Variants in CLSTN2 observed in about 807,000 individuals in gnomAD.
The protein encoded by CLSTN2 is calsyntenin 2.
In CLSTN2, 48 loss-of-function variants were observed where a neutral mutation model predicts 101.2. That is an observed-to-expected ratio of 0.47 (90% CI 0.38 to 0.60). The LOEUF is 0.60. CLSTN2 is among the 20% of genes least tolerant of loss of function. CLSTN2 has a pLI of 0.00. For synonymous variants in CLSTN2, 481 were observed against 463.6 expected (o/e 1.04, Z -0.48); for missense variants, 1,160 against 1,238.2 (o/e 0.94, Z 0.95).
chr3:140,226,069 C>A (rs115568645), intron 2 of CLSTN2, among the ~76,000 whole-genome samples: 2 of 152,166 alleles, frequency 1.3e-5, no homozygotes, highest in African/African-American at 2.4e-5. Flanking sequence ...ATATATACAA[C>A]CACCTGGGTG....
chr3:140,026,294 C>T (rs2007418504), intron 1 of CLSTN2, among the ~76,000 whole-genome samples: 1 of 152,150 alleles, frequency 6.6e-6, no homozygotes, highest in Non-Finnish European at 1.5e-5. Flanking sequence ...AAAAGCCAAC[C>T]ATACCCAATA....
At chr3:139,963,703 C>T (rs967017824) in intron 1 of CLSTN2, among the ~76,000 whole-genome samples, 4 of 152,084 alleles carry the variant, frequency 2.6e-5, no homozygotes, top group Non-Finnish European at 4.4e-5. Flanking sequence ...TGGGTTGTGC[C>T]GACTGTCAGT....
At chr3:140,457,470 C>T (rs1315171424) in intron 6 of CLSTN2, among the ~76,000 whole-genome samples, 1 of 152,200 alleles carries the variant, frequency 6.6e-6, no homozygotes, top group Non-Finnish European at 1.5e-5. Context: ...TACTTCCAAA[C>T]CACTCACAAA....
intron 1 of CLSTN2, among the ~76,000 whole-genome samples, chr3:139,952,826 T>C (rs1935316343): frequency 6.6e-6 from 1 of 152,092 alleles, no homozygotes; most frequent in South Asian, 2.1e-4. Context: ...GTGATTAAGG[T>C]CGGGGTTATT....
In CLSTN2 at chr3:140,459,307, G is replaced by T. The variant is rs115072599; in HGVS notation, c.974-214G>T. Among the ~76,000 whole-genome samples, 1,134 of 152,270 alleles carry T rather than the reference G, an allele frequency of 7.4e-3. 11 individuals carry two copies. Among genetic ancestry groups the T allele is most frequent in the Non-Finnish European group, 0.011 (780 of 68,012 alleles). ...CTATCTTGCCACATGCAGCACTTTT[G>T]TCTGTAAGTTACTGATGCCTCCCCA... On this transcript the variant is annotated intron_variant, in intron 6 of 16. Coordinates refer to ENST00000458420, the MANE Select transcript of CLSTN2 (RefSeq NM_022131.3).
chr3:139,989,496 C>G (rs1467583762), intron 1 of CLSTN2, among the ~76,000 whole-genome samples: 4 of 152,160 alleles, frequency 2.6e-5, no homozygotes, highest in Non-Finnish European at 5.9e-5. Flanking sequence ...CCAGTCTCCG[C>G]CACTCTCCAT....
At chr3:140,195,412 C>A (rs528517375) in intron 2 of CLSTN2, among the ~76,000 whole-genome samples, 12 of 152,166 alleles carry the variant, frequency 7.9e-5, no homozygotes, top group African/African-American at 2.9e-4. Flanking sequence ...AGGTGGTCTG[C>A]CTTTTTCTCC....
intron 8 of CLSTN2, among the ~76,000 whole-genome samples, chr3:140,488,285 GCAGT>G (rs1448877141): frequency 1.3e-5 from 2 of 152,172 alleles, no homozygotes; most frequent in African/African-American, 4.8e-5. Flanking sequence ...TCATTATGGA[GCAGT>G]CAAAGGAATG....
chr3:140,141,915 A>C (rs2009706004), intron 1 of CLSTN2, among the ~76,000 whole-genome samples: 1 of 152,332 alleles, frequency 6.6e-6, no homozygotes, highest in South Asian at 2.1e-4. Flanking sequence ...TTACCCCAGA[A>C]GGGGTCTTGT....
At chr3:140,282,087 T>A (rs1357020005) in intron 2 of CLSTN2, among the ~76,000 whole-genome samples, 1 of 152,176 alleles carries the variant, frequency 6.6e-6, no homozygotes, top group African/African-American at 2.4e-5. Context: ...GAGGTACACT[T>A]ACATGATGTT....
chr3:140,342,371 A>C (rs1376672092), intron 2 of CLSTN2, among the ~76,000 whole-genome samples: 1 of 152,076 alleles, frequency 6.6e-6, no homozygotes, highest in Non-Finnish European at 1.5e-5. Flanking sequence ...CTTGAGAACC[A>C]CTTTTCTAAA....
intron 2 of CLSTN2, among the ~76,000 whole-genome samples, chr3:140,318,287 A>C (rs1220677213): frequency 6.6e-6 from 1 of 152,230 alleles, no homozygotes; most frequent in Non-Finnish European, 1.5e-5. Flanking sequence ...AGCATGAGCC[A>C]TGATGAAGTG....
chr3:140,543,764 G>GA (rs1935532427), intron 9 of CLSTN2, among the ~76,000 whole-genome samples: 1 of 152,134 alleles, frequency 6.6e-6, no homozygotes, highest in Non-Finnish European at 1.5e-5. Context: ...TTTCAGAAGA[G>GA]AAAAAATGGA....
In CLSTN2 at chr3:140,466,597, T is replaced by G. The variant is rs769496426; in HGVS notation, c.1223-13T>G. ...GGTTCTCTCACTCTTCAAACCTTCTTTCTGCTTTTCAGAAATGAACCGGCA... is the reference window on the plus strand; with the variant it reads ...GGTTCTCTCACTCTTCAAACCTTCTGTCTGCTTTTCAGAAATGAACCGGCA... On this transcript the variant is annotated splice_polypyrimidine_tract_variant and intron_variant, in intron 7 of 16. Coordinates refer to ENST00000458420, the MANE Select transcript of CLSTN2 (RefSeq NM_022131.3). The G allele has an allele frequency of 6.2e-7, 1 of 1,614,080 alleles. No homozygotes were observed. Among genetic ancestry groups the G allele is most frequent in the Admixed American group, 1.7e-5 (1 of 60,030 alleles).
intron 5 of CLSTN2, among the ~76,000 whole-genome samples, chr3:140,442,510 T>G (rs1658694615): frequency 6.6e-6 from 1 of 152,206 alleles, no homozygotes; most frequent in South Asian, 2.1e-4. Flanking sequence ...TGGTTATCCC[T>G]GAATCTGAAT....
intron 10 of CLSTN2, among the ~76,000 whole-genome samples, chr3:140,547,628 C>T (rs1935621747): frequency 6.6e-6 from 1 of 152,202 alleles, no homozygotes; most frequent in Admixed American, 6.5e-5. Flanking sequence ...TTGAGAGAAG[C>T]TCCTCCCAAA....
intron 1 of CLSTN2, among the ~76,000 whole-genome samples, chr3:140,058,088 T>TA (rs1299178099): frequency 2.3e-3 from 237 of 101,968 alleles, no homozygotes; most frequent in Non-Finnish European, 4.7e-3. Flanking sequence ...CTGCTTCCAT[T>TA]TAAAAAAAAA....
At chr3:140,282,342 G>T (rs1400637508) in intron 2 of CLSTN2, among the ~76,000 whole-genome samples, 1 of 152,132 alleles carries the variant, frequency 6.6e-6, no homozygotes, top group Non-Finnish European at 1.5e-5. Flanking sequence ...AATCCCAAGT[G>T]GTACAGGTGC....
chr3:140,485,414 TGAG>T (rs1934216673), intron 8 of CLSTN2, among the ~76,000 whole-genome samples: 1 of 152,328 alleles, frequency 6.6e-6, no homozygotes, highest in African/African-American at 2.4e-5. Context: ...GGGACCCACT[TGAG>T]GAGGCAGTCT....
Sources: allele counts gnomAD v4.1 joint callset (sites outside exome capture counted in the v4.1 genomes callset), GRCh38; gene constraint gnomAD v4.1.1; transcripts MANE v1.5; gene names NCBI Gene and HGNC (gene_info 2026-07-23, HGNC 2026-07-21).